Variants in FMNL2 observed in about 807,000 individuals in gnomAD.
FMNL2 encodes formin-like protein 2.
In FMNL2, 51 loss-of-function variants were observed where a neutral mutation model predicts 130.2. That is an observed-to-expected ratio of 0.39 (90% confidence interval 0.31 to 0.49). The LOEUF (loss-of-function observed/expected upper bound fraction) is 0.49. FMNL2 is among the 20% of genes least tolerant of loss of function. The probability of loss-of-function intolerance (pLI) is 0.85; values close to 1 mark genes in which losing one functional copy is unlikely to be tolerated. For missense variants in FMNL2, 977 were observed against 1,316.2 expected (o/e 0.74, Z 3.99); for synonymous variants, 465 against 467.1 (o/e 1.00, Z 0.06).
At chr2:152,586,049 C>G (rs773223796) in intron 9 of FMNL2, among the ~76,000 whole-genome samples, 12 of 152,172 alleles carry the variant, frequency 7.9e-5, no homozygotes, top group Non-Finnish European at 1.8e-4. Flanking sequence ...GAGGCACCAG[C>G]TCTCCCAGGC....
intron 1 of FMNL2, among the ~76,000 whole-genome samples, chr2:152,513,530 T>C (rs1692596428): frequency 6.6e-6 from 1 of 152,212 alleles, no homozygotes; most frequent in Non-Finnish European, 1.5e-5. Context: ...CTTTTTAGTC[T>C]GTTTTGGTCA....
At chr2:152,565,032 C>T (rs1695753897) in intron 6 of FMNL2, among the ~76,000 whole-genome samples, 1 of 151,864 alleles carries the variant, frequency 6.6e-6, no homozygotes, top group Admixed American at 6.6e-5. Context: ...GGTGTGCCTT[C>T]GGTTAAGATA....
chr2:152,546,345 G>C (rs1694631442), intron 3 of FMNL2, among the ~76,000 whole-genome samples: 1 of 152,114 alleles, frequency 6.6e-6, no homozygotes, highest in South Asian at 2.1e-4. Flanking sequence ...CATGGCGGAA[G>C]GCTAAGGGGG....
chr2:152,364,274 T>G lies in FMNL2; in HGVS notation c.117+28554T>G, dbSNP rs536759981. On this transcript the variant is annotated intron_variant, in intron 1 of 25. Transcript: ENST00000288670. The stretch of plus-strand genomic sequence containing the variant: ...GGAGGTTTGTGTGTTTTTTTTTTTT[T>G]TTTTTTTTTTTTTTTTTTACCAGAT... Among the ~76,000 whole-genome samples, 970 of 147,652 alleles carry G rather than the reference T, an allele frequency of 6.6e-3. 17 individuals carry two copies. The highest frequency in any genetic ancestry group is 9.7e-3 in the Non-Finnish European group (648 of 66,880).
At chr2:152,498,998 G>A (rs10173899) in intron 1 of FMNL2, among the ~76,000 whole-genome samples, 132,233 of 152,204 alleles carry the variant, frequency 0.87, 57,726 homozygotes, top group Admixed American at 0.93. Context: ...GGCAATAACC[G>A]TGAAGGGCAA....
intron 1 of FMNL2, among the ~76,000 whole-genome samples, chr2:152,511,369 T>G (rs2105361195): frequency 6.6e-6 from 1 of 152,274 alleles, no homozygotes; most frequent in Admixed American, 6.5e-5. Flanking sequence ...AATTCACAGG[T>G]TCCTGGGATA....
At chr2:152,369,884 T>C (rs1288935308) in intron 1 of FMNL2, among the ~76,000 whole-genome samples, 1 of 152,222 alleles carries the variant, frequency 6.6e-6, no homozygotes, top group Non-Finnish European at 1.5e-5. Flanking sequence ...TCCTTGGGTC[T>C]TTTTGCTTTT....
chr2:152,408,378 A>G (rs931791345), intron 1 of FMNL2, among the ~76,000 whole-genome samples: 5 of 152,208 alleles, frequency 3.3e-5, no homozygotes. Context: ...GGTTTATAAA[A>G]CATTTATGCA....
chr2:152,648,120 G>A lies in FMNL2; in HGVS notation c.*215G>A, dbSNP rs1049911125. On this transcript the variant is annotated 3_prime_UTR_variant, in exon 26 of 26. Transcript: ENST00000288670. Reference sequence around the variant, plus strand: ...GAAGTACCTGTTCAGATTAATCAAAGCAATAGGATTTGATTTGATTAGGTA... The same window carrying A: ...GAAGTACCTGTTCAGATTAATCAAAACAATAGGATTTGATTTGATTAGGTA... 2 of 499,558 alleles carry A rather than the reference G, an allele frequency of 4.0e-6. No individual in the cohort carries two copies. The highest frequency in any genetic ancestry group is 7.0e-6 in the Non-Finnish European group (2 of 284,816). 30.9% of individuals were successfully genotyped at this position (499,558 alleles called of 1,614,324 possible). A position where few individuals can be genotyped will look rare whatever the true frequency, so the allele number is the denominator to read the frequency against.
chr2:152,441,934 T>C (rs1688072782), intron 1 of FMNL2, among the ~76,000 whole-genome samples: 1 of 152,096 alleles, frequency 6.6e-6, no homozygotes, highest in Non-Finnish European at 1.5e-5. Context: ...ATTTGTGGGA[T>C]CAGATATTGA....
At chr2:152,404,904 C>G (rs1685900676) in intron 1 of FMNL2, among the ~76,000 whole-genome samples, 1 of 152,098 alleles carries the variant, frequency 6.6e-6, no homozygotes. Flanking sequence ...TGATTTTTGT[C>G]TTAAGATAAG....
intron 1 of FMNL2, among the ~76,000 whole-genome samples, chr2:152,497,618 AT>A (rs1423342510): frequency 6.6e-6 from 1 of 151,970 alleles, no homozygotes; most frequent in Non-Finnish European, 1.5e-5. Context: ...CTGTATATAT[AT>A]TTTTTACACA....
intron 2 of FMNL2, among the ~76,000 whole-genome samples, chr2:152,523,307 C>T (rs1261811690): frequency 2.6e-5 from 4 of 152,092 alleles, no homozygotes; most frequent in African/African-American, 9.7e-5. Context: ...CTAAGATGCT[C>T]AGAGACAGAT....
chr2:152,477,206 T>C (rs1233246351), intron 1 of FMNL2, among the ~76,000 whole-genome samples: 1 of 152,218 alleles, frequency 6.6e-6, no homozygotes, highest in African/African-American at 2.4e-5. Flanking sequence ...CCAAGAATTA[T>C]AGTGCAGTAA....
chr2:152,620,386 T>C (rs935277272), intron 15 of FMNL2, among the ~76,000 whole-genome samples: 1 of 152,140 alleles, frequency 6.6e-6, no homozygotes, highest in African/African-American at 2.4e-5. Flanking sequence ...AGGTAGGGGT[T>C]AGAGCAGGAG....
intron 1 of FMNL2, among the ~76,000 whole-genome samples, chr2:152,425,137 C>A (rs1687134714): frequency 6.6e-6 from 1 of 152,168 alleles, no homozygotes; most frequent in Non-Finnish European, 1.5e-5. Flanking sequence ...GTTTTCCAAA[C>A]CCCTGTAAAG....
intron 3 of FMNL2, among the ~76,000 whole-genome samples, chr2:152,547,659 C>CT (rs1277333185): frequency 6.6e-6 from 1 of 152,166 alleles, no homozygotes; most frequent in East Asian, 1.9e-4. Context: ...GGGCGTAGCT[C>CT]TTGCCACCCC....
intron 3 of FMNL2, among the ~76,000 whole-genome samples, chr2:152,548,328 GT>G (rs1214574721): frequency 6.6e-6 from 1 of 152,214 alleles, no homozygotes; most frequent in Non-Finnish European, 1.5e-5. Context: ...AGGAACTTGT[GT>G]TTGACGGGGG....
chr2:152,475,789 G>A (rs1038258811), intron 1 of FMNL2, among the ~76,000 whole-genome samples: 15 of 152,058 alleles, frequency 9.9e-5, no homozygotes, highest in Admixed American at 4.6e-4. Context: ...ATGAGCCACC[G>A]CGCCTGGCCA....
Sources: gnomAD v4.1 joint callset for allele counts (sites outside exome capture counted in the v4.1 genomes callset) on GRCh38, gnomAD v4.1.1 for gene constraint, MANE v1.5 for transcripts, NCBI Gene and HGNC (gene_info 2026-07-23, HGNC 2026-07-21) for gene names.